CRACDL: variants seen among roughly 807,000 people sequenced by gnomAD.
The protein encoded by CRACDL is CRACD like, also known as CRACD-like protein.
Under a neutral mutation model 70.6 loss-of-function variants are expected in CRACDL, and 26 were observed. The ratio of observed to expected loss-of-function variants is 0.37; its 90% CI spans 0.27 to 0.51. CRACDL has a LOEUF of 0.51. Among genes scored for constraint, CRACDL ranks in the 20% least tolerant of loss-of-function variants. CRACDL has a pLI of 0.94. For synonymous variants in CRACDL, 618 were observed against 615.2 expected, an observed-to-expected ratio of 1.00 and a Z score of -0.07; for missense variants, 1,283 against 1,376.9, an observed-to-expected ratio of 0.93 and a Z score of 1.08.
chr2:98,927,423 G>A (rs549024021), intron 1 of CRACDL, among the ~76,000 whole-genome samples: 2 of 152,090 alleles, frequency 1.3e-5, no homozygotes, highest in African/African-American at 4.8e-5. Flanking sequence ...CTGCCTCAGC[G>A]AATGAGAGTG....
At chr2:98,826,885 G>A in intron 6 of CRACDL, 90 bp downstream of exon 6, 5 of 910,094 alleles carry the variant, frequency 5.5e-6, no homozygotes, top group Middle Eastern at 3.5e-4. Context: ...ATGAGACCCT[G>A]TGTGGGGGAG....
rs1222892938 is a variant in CRACDL, at chr2:98,827,183, G to C, written c.541-14C>G. 1.9e-6 allele frequency: 3 copies of C among 1,600,066 alleles called. No individual in the cohort carries two copies. The highest frequency in any genetic ancestry group is 1.1e-5 in the South Asian group (1 of 90,684). ...CACGACAGAGACCTTCGTGGGACAA[G>C]GAACAAACACACGGAGCATGAACTT... On this transcript the variant is annotated splice_polypyrimidine_tract_variant and intron_variant, in intron 5 of 9. Coordinates refer to ENST00000397899, the MANE Select transcript of CRACDL (RefSeq NM_207362.3).
At chr2:98,807,253 C>T (rs1704343518) in intron 7 of CRACDL, among the ~76,000 whole-genome samples, 2 of 152,210 alleles carry the variant, frequency 1.3e-5, no homozygotes, top group Non-Finnish European at 1.5e-5. Flanking sequence ...CCATCTCTTA[C>T]TAAGAGGTAT....
At chr2:98,882,628 A>G (rs1707682645) in intron 1 of CRACDL, among the ~76,000 whole-genome samples, 1 of 152,344 alleles carries the variant, frequency 6.6e-6, no homozygotes, top group East Asian at 1.9e-4. Flanking sequence ...CAGATGAGCC[A>G]TAAAACCTGT....
chr2:98,804,401 T>C (rs552089988), intron 7 of CRACDL, among the ~76,000 whole-genome samples: 6 of 152,338 alleles, frequency 3.9e-5, no homozygotes, highest in African/African-American at 9.6e-5. Context: ...CCAAAATCAA[T>C]ATGCATGGTG....
chr2:98,854,812 G>T (rs185605154), intron 1 of CRACDL, among the ~76,000 whole-genome samples: 31 of 152,252 alleles, frequency 2.0e-4, no homozygotes, highest in Admixed American at 9.2e-4. Flanking sequence ...AAGGACAGGA[G>T]GAAGGCCAAG....
rs1009657198 is a variant in CRACDL, at chr2:98,876,426, G to A, written c.-10-29616C>T. The stretch of plus-strand genomic sequence containing the variant: ...ACACGGCAGGAGGTAAGTAGCGGGC[G>A]AGCAAACATTACCCTCTGAACTCCA... On this transcript the variant is annotated intron_variant, in intron 1 of 9. Coordinates refer to ENST00000397899, the MANE Select transcript of CRACDL (RefSeq NM_207362.3). Among the ~76,000 whole-genome samples, 7 of 152,272 alleles carry A rather than the reference G, an allele frequency of 4.6e-5. No individual in the cohort carries two copies. The South Asian group carries it at 1.5e-3, about 32-fold the overall frequency.
chr2:98,896,219 T>C (rs771089336), intron 1 of CRACDL, among the ~76,000 whole-genome samples: 1 of 152,110 alleles, frequency 6.6e-6, no homozygotes, highest in Non-Finnish European at 1.5e-5. Flanking sequence ...ACGGCAAGCA[T>C]GCACCCAGGT....
chr2:98,879,192 G>A (rs1707569336), intron 1 of CRACDL, among the ~76,000 whole-genome samples: 1 of 152,168 alleles, frequency 6.6e-6, no homozygotes, highest in South Asian at 2.1e-4. Flanking sequence ...GCACAGTGAG[G>A]CTTGATAAAT....
chr2:98,889,324 A>AAAGG (rs1707898812), intron 1 of CRACDL, among the ~76,000 whole-genome samples: 1 of 143,076 alleles, frequency 7.0e-6, no homozygotes, highest in East Asian at 1.9e-4. Context: ...AGAAAGAAAG[A>AAAGG]AAGAAAGAAA....
At chr2:98,835,143 T>C (rs1705717561) in intron 3 of CRACDL, among the ~76,000 whole-genome samples, 1 of 152,190 alleles carries the variant, frequency 6.6e-6, no homozygotes, top group South Asian at 2.1e-4. Flanking sequence ...GAAAAGAGAA[T>C]ACAAAGAATT....
chr2:98,924,622 C>G (rs1436072242), intron 1 of CRACDL, among the ~76,000 whole-genome samples: 1 of 152,216 alleles, frequency 6.6e-6, no homozygotes, highest in African/African-American at 2.4e-5. Context: ...TGTGCTCACG[C>G]TGGGCCCAGC....
intron 7 of CRACDL, among the ~76,000 whole-genome samples, chr2:98,807,108 T>A (rs1197546071): frequency 6.6e-6 from 1 of 152,138 alleles, no homozygotes; most frequent in East Asian, 1.9e-4. Flanking sequence ...ATATTTTCAA[T>A]CCCCATTTTG....
intron 7 of CRACDL, among the ~76,000 whole-genome samples, chr2:98,814,974 T>C (rs1353271500): frequency 6.6e-6 from 1 of 152,202 alleles, no homozygotes; most frequent in African/African-American, 2.4e-5. Flanking sequence ...TCTGAAGTCT[T>C]CTTTGTGTTA....
At chr2:98,801,053 G>A (rs1484927023) in intron 7 of CRACDL, among the ~76,000 whole-genome samples, 1 of 152,202 alleles carries the variant, frequency 6.6e-6, no homozygotes. Context: ...TAGCAGCATC[G>A]CCAAGCACTG....
At position 98,822,008 on chromosome 2, in the gene CRACDL, C is replaced by A. The variant is rs1189312831; in HGVS notation, c.2265G>T (p.Pro755=). The A allele has an allele frequency of 4.6e-6, 7 of 1,536,612 alleles. No homozygotes were observed. Among genetic ancestry groups the A allele is most frequent in the Non-Finnish European group, 6.1e-6 (7 of 1,141,296 alleles). ...GGGGCAGGGGCGGCTTGGAGCTGAG[C>A]GGCTCGGGGGGCCGGGCCTTCCCCT... ...QGKGKARPPE[P]LSSKPPLPRK... Residue 755 remains proline (P), a synonymous_variant, in exon 7 of 10, where the codon CCG becomes CCT. Coordinates refer to ENST00000397899, the MANE Select transcript of CRACDL (RefSeq NM_207362.3). The surrounding 1 kb of genome is among the most constrained non-coding windows in gnomAD (Gnocchi z 4.9).
At chr2:98,801,434 G>C (rs1333362712) in intron 7 of CRACDL, among the ~76,000 whole-genome samples, 2 of 152,246 alleles carry the variant, frequency 1.3e-5, no homozygotes, top group African/African-American at 4.8e-5. Flanking sequence ...AAGAAGCTGT[G>C]CCTTTGTCCC....
At chr2:98,825,259 C>T (rs1287721758) in intron 6 of CRACDL, among the ~76,000 whole-genome samples, 5 of 152,104 alleles carry the variant, frequency 3.3e-5, no homozygotes, top group Non-Finnish European at 7.3e-5. Flanking sequence ...TATCCATGCC[C>T]GCTCCTTACC....
At chr2:98,836,647 T>G (rs1455313009) in intron 3 of CRACDL, among the ~76,000 whole-genome samples, 1 of 152,166 alleles carries the variant, frequency 6.6e-6, no homozygotes, top group Non-Finnish European at 1.5e-5. Context: ...ACACCAGAAC[T>G]GTGTGCTCCA....
Sources: allele counts gnomAD v4.1 joint callset (sites outside exome capture counted in the v4.1 genomes callset), GRCh38; gene constraint gnomAD v4.1.1; non-coding constraint Gnocchi (gnomAD v3.1); transcripts MANE v1.5; gene names NCBI Gene and HGNC (gene_info 2026-07-23, HGNC 2026-07-21).